The following PCED1B variants were observed in gnomAD, a reference collection of about 807,000 sequenced individuals.
The protein encoded by PCED1B is PC-esterase domain-containing protein 1B.
For missense variants in PCED1B, 573 were observed against 573.9 expected (o/e 1.00, Z 0.02); for synonymous variants, 251 against 246.1 (o/e 1.02, Z -0.19).
At chr12:47,204,282 A>T (rs1364643124) in intron 2 of PCED1B, among the ~76,000 whole-genome samples, 1 of 151,958 alleles carries the variant, frequency 6.6e-6, no homozygotes, top group Non-Finnish European at 1.5e-5. Flanking sequence ...TTTTCTAATT[A>T]TGTGAAGAAT....
intron 2 of PCED1B, among the ~76,000 whole-genome samples, chr12:47,142,664 T>G (rs1940638030): frequency 6.6e-6 from 1 of 151,508 alleles, no homozygotes; most frequent in African/African-American, 2.4e-5. Flanking sequence ...AGGAATATAA[T>G]GACAGAATGA....
Position 47,174,177 on chromosome 12 carries a change from G to A in PCED1B, c.-525-42045G>A, listed in dbSNP as rs143954880. On this transcript the variant is annotated intron_variant, in intron 2 of 3. Transcript: ENST00000546455. ...TAATCCCAGCACTTTGGAAGTCGGA[G>A]GAGGGTGGATCACTTGAGGCCAAGA... Among the ~76,000 whole-genome samples the A allele has an allele frequency of 2.3e-3, 351 of 152,212 alleles. 1 individual carries two copies. The highest frequency in any genetic ancestry group is 7.6e-3 in the African/African-American group (316 of 41,536).
intron 2 of PCED1B, among the ~76,000 whole-genome samples, chr12:47,168,127 A>G (rs1941603752): frequency 2.6e-5 from 4 of 152,266 alleles, no homozygotes. Flanking sequence ...TACCAGTTCC[A>G]TATGAATTAC....
intron 2 of PCED1B, among the ~76,000 whole-genome samples, chr12:47,127,778 G>A (rs1466257593): frequency 6.6e-6 from 1 of 152,122 alleles, no homozygotes; most frequent in African/African-American, 2.4e-5. Flanking sequence ...TGCCTATCAT[G>A]GTAAATGTTC....
At position 47,191,568 on chromosome 12, in the gene PCED1B, C is replaced by T. The variant is rs900562542; in HGVS notation, c.-525-24654C>T. 7.2e-5 allele frequency among the ~76,000 whole-genome samples: 11 copies of T among 152,104 alleles called. No homozygotes were observed. The South Asian group carries it at 1.2e-3, about 17-fold the overall frequency. On this transcript the variant is annotated intron_variant, in intron 2 of 3. Coordinates refer to ENST00000546455, the MANE Select transcript of PCED1B (RefSeq NM_138371.3). ...GGGAAGTCATGTTTCCATTGCAATCCGGAAGAAGAAATACCGCAGGCCTGC... is the reference window on the plus strand; with the variant it reads ...GGGAAGTCATGTTTCCATTGCAATCTGGAAGAAGAAATACCGCAGGCCTGC...
chr12:47,087,592 T>C (rs1048630053), intron 1 of PCED1B, among the ~76,000 whole-genome samples: 1 of 152,212 alleles, frequency 6.6e-6, no homozygotes, highest in Non-Finnish European at 1.5e-5. Context: ...TAAGGTGGTA[T>C]AGAATTCAAT....
chr12:47,100,815 C>T (rs1267382037), intron 1 of PCED1B, among the ~76,000 whole-genome samples: 1 of 152,152 alleles, frequency 6.6e-6, no homozygotes, highest in Non-Finnish European at 1.5e-5. Context: ...TGGTTGTCAT[C>T]CCAGCACTTT....
chr12:47,156,267 C>T (rs1941188783), intron 2 of PCED1B, among the ~76,000 whole-genome samples: 1 of 152,002 alleles, frequency 6.6e-6, no homozygotes, highest in Non-Finnish European at 1.5e-5. Flanking sequence ...ATTATTGTAT[C>T]CAAAGAAGAG....
At chr12:47,205,360 G>A (rs898324401) in intron 2 of PCED1B, among the ~76,000 whole-genome samples, 1 of 152,168 alleles carries the variant, frequency 6.6e-6, no homozygotes, top group African/African-American at 2.4e-5. Flanking sequence ...ATCCCCAGGA[G>A]CAATTTGGAA....
intron 2 of PCED1B, among the ~76,000 whole-genome samples, chr12:47,149,610 A>C (rs2137444451): frequency 6.6e-6 from 1 of 152,340 alleles, no homozygotes; most frequent in East Asian, 1.9e-4. Context: ...GGAGTATCAC[A>C]ATCATTTTAT....
intron 2 of PCED1B, among the ~76,000 whole-genome samples, chr12:47,208,010 TG>T (rs1257771314): frequency 6.6e-6 from 1 of 152,120 alleles, no homozygotes; most frequent in African/African-American, 2.4e-5. Flanking sequence ...CACAGCTCTC[TG>T]AACACCCATA....
intron 2 of PCED1B, chr12:47,135,801 GC>G: frequency 1.2e-5 from 6 of 506,762 alleles, no homozygotes; most frequent in Non-Finnish European, 7.9e-6. Context: ...GTTGTGGGGT[GC>G]CCCCAGCACA....
rs144499270 is a variant in PCED1B, at chr12:47,236,280, G to A, written c.1217G>A (p.Arg406His). ...AGGGGTTTTGGCAGGTATCGTCCCC[G>A]TGGCCCCTATACGCCCTGGGGACAG... ...VHRGFGRYRP[R>H]GPYTPWGQRP... Residue 406 changes from arginine (R) to histidine (H), a missense_variant, in exon 4 of 4, where the codon CGT (arginine) becomes CAT (histidine). Arg to His is a conservative substitution (Grantham distance 29). Transcript: ENST00000546455. 2.2e-5 allele frequency: 36 copies of A among 1,613,976 alleles called. No individual in the cohort carries two copies. Among genetic ancestry groups the A allele is most frequent in the African/African-American group, 4.0e-5 (3 of 74,890 alleles).
intron 2 of PCED1B, among the ~76,000 whole-genome samples, chr12:47,204,328 A>G (rs559068893): frequency 1.3e-5 from 2 of 152,296 alleles, no homozygotes; most frequent in Non-Finnish European, 2.9e-5. Flanking sequence ...CATTGAATCT[A>G]TAAATTGCTT....
At chr12:47,233,814 A>C (rs1943885387) in intron 3 of PCED1B, among the ~76,000 whole-genome samples, 1 of 152,190 alleles carries the variant, frequency 6.6e-6, no homozygotes, top group Admixed American at 6.5e-5. Flanking sequence ...GTTAAAGTGC[A>C]CATTTTGGGG....
At chr12:47,086,748 A>G (rs1386792356) in intron 1 of PCED1B, among the ~76,000 whole-genome samples, 1 of 152,146 alleles carries the variant, frequency 6.6e-6, no homozygotes, top group Non-Finnish European at 1.5e-5. Flanking sequence ...TTGAATTCTT[A>G]AACGCTATTA....
chr12:47,179,073 G>A (rs1942017129), intron 2 of PCED1B, among the ~76,000 whole-genome samples: 1 of 152,122 alleles, frequency 6.6e-6, no homozygotes, highest in South Asian at 2.1e-4. Context: ...GCGAATTGGA[G>A]CATTACCATA....
At chr12:47,112,859 G>A (rs1018094257) in intron 2 of PCED1B, among the ~76,000 whole-genome samples, 1 of 152,180 alleles carries the variant, frequency 6.6e-6, no homozygotes, top group African/African-American at 2.4e-5. Flanking sequence ...CATTTTTACA[G>A]TAAAGAGCCT....
intron 2 of PCED1B, among the ~76,000 whole-genome samples, chr12:47,185,663 C>A (rs1942233083): frequency 6.6e-6 from 1 of 151,740 alleles, no homozygotes; most frequent in East Asian, 1.9e-4. Context: ...GTGGCAGGCA[C>A]CTGTAATCCC....
Sources: gnomAD v4.1 joint callset for allele counts (sites outside exome capture counted in the v4.1 genomes callset) on GRCh38, gnomAD v4.1.1 for gene constraint, MANE v1.5 for transcripts, NCBI Gene and HGNC (gene_info 2026-07-23, HGNC 2026-07-21) for gene names.